The following CLMP variants were observed in gnomAD, a reference collection of about 807,000 sequenced individuals.
CLMP encodes CXADR-like membrane protein.
CLMP carries 27 observed loss-of-function variants against 45.2 expected under a neutral mutation model. That is an observed-to-expected ratio of 0.60 (90% CI 0.44 to 0.82). The LOEUF (loss-of-function observed/expected upper bound fraction) is 0.82, where lower values mean the gene tolerates loss of function less well. CLMP is among the 40% of genes least tolerant of loss of function. The pLI, the probability that CLMP is intolerant of heterozygous loss-of-function variation, is 0.00. For synonymous variants in CLMP, 167 were observed against 171.4 expected (o/e 0.97, Z 0.20); for missense variants, 403 against 448.4 (o/e 0.90, Z 0.91).
At chr11:123,088,057 T>C (rs1187795412) in intron 2 of CLMP, among the ~76,000 whole-genome samples, 1 of 151,998 alleles carries the variant, frequency 6.6e-6, no homozygotes, top group East Asian at 2.0e-4. Context: ...ATTACAGGCA[T>C]GTGCCACCAG....
At chr11:123,105,347 CT>C (rs1860526540) in intron 1 of CLMP, among the ~76,000 whole-genome samples, 1 of 138,608 alleles carries the variant, frequency 7.2e-6, no homozygotes, top group Non-Finnish European at 1.5e-5. Context: ...CATTTATTTC[CT>C]TCCCTTCCCT....
At chr11:123,187,526 G>A (rs1290362103) in intron 1 of CLMP, among the ~76,000 whole-genome samples, 1 of 152,208 alleles carries the variant, frequency 6.6e-6, no homozygotes, top group Admixed American at 6.5e-5. Flanking sequence ...CTGGGGCTGA[G>A]TCTCTGCTTA....
At chr11:123,118,929 TTTTCTTTCTTTCTTTCTTTCTTTC>T (rs1314714578) in intron 1 of CLMP, among the ~76,000 whole-genome samples, 1,313 of 99,324 alleles carry the variant, frequency 0.013, 45 homozygotes, top group East Asian at 0.037. Context: ...TTTTCTTTTC[TTTTCTTTCTTTCTTTCTTTCTTTC>T]TTTCTTTCTT....
At chr11:123,102,514 C>T (rs1300990079) in intron 1 of CLMP, among the ~76,000 whole-genome samples, 4 of 151,078 alleles carry the variant, frequency 2.6e-5, no homozygotes, top group African/African-American at 4.9e-5. Flanking sequence ...CTCCTGACCT[C>T]GTGATCCGCC....
intron 1 of CLMP, among the ~76,000 whole-genome samples, chr11:123,133,945 G>C (rs1175903551): frequency 6.6e-6 from 1 of 151,986 alleles, no homozygotes; most frequent in Non-Finnish European, 1.5e-5. Context: ...CCTTATGAAG[G>C]CTCTCATGTC....
intron 2 of CLMP, among the ~76,000 whole-genome samples, chr11:123,088,136 C>G (rs1481383557): frequency 1.3e-5 from 2 of 152,072 alleles, no homozygotes; most frequent in African/African-American, 4.8e-5. Context: ...TCTCGAACTC[C>G]TGACTTCAGG....
rs368880095 is a variant in CLMP, at chr11:123,084,665, G to C, written c.235C>G (p.Gln79Glu). 1 of 1,614,146 alleles carries C rather than the reference G, an allele frequency of 6.2e-7. No homozygotes were observed. Among genetic ancestry groups the C allele is most frequent in the South Asian group, 1.1e-5 (1 of 91,074 alleles). The change falls in exon 3 of 7, where the codon CAG becomes GAG. Residue 79 changes from glutamine to glutamate, a missense_variant. Coordinates refer to ENST00000448775, the MANE Select transcript of CLMP (RefSeq NM_024769.5). ...GAAGCAAAGGCCACTCGGCCCTTCT[G>C]TTCCTCAGTCAAGTTATTGTAGACA... Reference protein sequence around the residue: ...RHVYNNLTEEQKGRVAFASNF... With the variant: ...RHVYNNLTEEEKGRVAFASNF...
At chr11:123,082,928 T>C (rs185963805) in intron 5 of CLMP, among the ~76,000 whole-genome samples, 157 bp downstream of exon 5, 88 of 152,310 alleles carry the variant, frequency 5.8e-4, no homozygotes, top group African/African-American at 1.8e-3. Context: ...GAGTGGTCTT[T>C]GCAACTACTG....
chr11:123,131,310 G>A (rs962340184), intron 1 of CLMP, among the ~76,000 whole-genome samples: 1 of 150,906 alleles, frequency 6.6e-6, no homozygotes, highest in East Asian at 1.9e-4. Flanking sequence ...ATATTTCCTG[G>A]TAGCCACAAA....
intron 5 of CLMP, among the ~76,000 whole-genome samples, chr11:123,077,529 C>T (rs933863986): frequency 2.6e-5 from 4 of 152,150 alleles, no homozygotes; most frequent in Admixed American, 1.3e-4. Flanking sequence ...TGGGATTTCT[C>T]ATGTTGGTCA....
intron 1 of CLMP, among the ~76,000 whole-genome samples, chr11:123,190,001 C>CAAAAAA (rs10594946): frequency 2.3e-5 from 3 of 129,514 alleles, no homozygotes; most frequent in Non-Finnish European, 1.6e-5. Flanking sequence ...GACTCTGTCT[C>CAAAAAA]AAAAAAAAAA....
intron 1 of CLMP, among the ~76,000 whole-genome samples, chr11:123,166,991 T>G (rs1861567073): frequency 6.6e-6 from 1 of 152,054 alleles, no homozygotes; most frequent in Non-Finnish European, 1.5e-5. Context: ...CTAATGTGGA[T>G]CATTGTGTTC....
chr11:123,077,370 T>G (rs1175122868), intron 5 of CLMP, among the ~76,000 whole-genome samples: 1 of 152,140 alleles, frequency 6.6e-6, no homozygotes, highest in Non-Finnish European at 1.5e-5. Context: ...TTGCTCTTGT[T>G]GCCCAGGCTG....
At chr11:123,161,736 C>T (rs1054566880) in intron 1 of CLMP, among the ~76,000 whole-genome samples, 4 of 152,130 alleles carry the variant, frequency 2.6e-5, no homozygotes, top group African/African-American at 7.2e-5. Flanking sequence ...AATGGCTGGG[C>T]GTCACCCCTC....
In CLMP at chr11:123,133,188, T is replaced by G. The variant is rs148118451; in HGVS notation, c.29-35236A>C. The stretch of plus-strand genomic sequence containing the variant: ...TATAGAATCCACAGGCTCTAATGAC[T>G]GGAAATGAGGCTGGAAAAGCGTAAT... On this transcript the variant is annotated intron_variant, in intron 1 of 6. Transcript: ENST00000448775. Among the ~76,000 whole-genome samples the G allele has an allele frequency of 1.2e-3, 181 of 152,256 alleles. 1 individual carries two copies. The highest frequency in any genetic ancestry group is 4.0e-3 in the African/African-American group (165 of 41,550).
chr11:123,175,153 A>G (rs1861682117), intron 1 of CLMP, among the ~76,000 whole-genome samples: 1 of 152,136 alleles, frequency 6.6e-6, no homozygotes, highest in East Asian at 1.9e-4. Context: ...GACGGGGTGT[A>G]TTAGTCCATT....
intron 1 of CLMP, among the ~76,000 whole-genome samples, chr11:123,167,581 C>T (rs916126030): frequency 1.3e-5 from 2 of 151,826 alleles, no homozygotes. Context: ...CACCACGCCC[C>T]GCCGAAAGAC....
At chr11:123,107,291 C>T (rs113912672) in intron 1 of CLMP, among the ~76,000 whole-genome samples, 15,389 of 151,660 alleles carry the variant, frequency 0.1, 877 homozygotes, top group East Asian at 0.16. Flanking sequence ...AGTGCAGTGG[C>T]GTGATCTCAG....
At chr11:123,185,288 C>T (rs1438240257) in intron 1 of CLMP, among the ~76,000 whole-genome samples, 1 of 152,082 alleles carries the variant, frequency 6.6e-6, no homozygotes, top group East Asian at 1.9e-4. Context: ...AGGGGCAATA[C>T]ATGAAAGATG....
Sources: allele counts gnomAD v4.1 joint callset (sites outside exome capture counted in the v4.1 genomes callset), GRCh38; gene constraint gnomAD v4.1.1; transcripts MANE v1.5; gene names NCBI Gene and HGNC (gene_info 2026-07-23, HGNC 2026-07-21).